RANBP17: variants seen among roughly 807,000 people sequenced by gnomAD.
The protein encoded by RANBP17 is ran-binding protein 17.
RANBP17 carries 158 observed loss-of-function variants against 141.2 expected under a neutral mutation model. That is an observed-to-expected ratio of 1.12 (90% confidence interval 0.98 to 1.28). The LOEUF (loss-of-function observed/expected upper bound fraction) is 1.28. RANBP17 is among the 50% of genes most tolerant of loss of function. The probability of loss-of-function intolerance (pLI) is 0.00; values close to 1 mark genes in which losing one functional copy is unlikely to be tolerated. For missense variants in RANBP17, 1,438 were observed against 1,290.7 expected, an observed-to-expected ratio of 1.11 and a Z score of -1.75; for synonymous variants, 430 against 450.0, an observed-to-expected ratio of 0.96 and a Z score of 0.56.
chr5:170,908,508 A>G (rs138964791), intron 5 of RANBP17, among the ~76,000 whole-genome samples: 104 of 151,562 alleles, frequency 6.9e-4, no homozygotes, highest in African/African-American at 2.4e-3. Flanking sequence ...ACTGGGGACT[A>G]CTAGATAGGG....
In RANBP17 at chr5:171,105,148, C is replaced by T. The variant is rs367906275; in HGVS notation, c.1711-64982C>T. On this transcript the variant is annotated intron_variant, in intron 14 of 27. Coordinates refer to ENST00000523189, the MANE Select transcript of RANBP17 (RefSeq NM_022897.5). Reference sequence around the variant, plus strand: ...CTGTAATCCCAGCACTTTGGGAGGCCAAGGCGGGCAGATCACGAGGTCAGG... The same window carrying T: ...CTGTAATCCCAGCACTTTGGGAGGCTAAGGCGGGCAGATCACGAGGTCAGG... 3.0e-3 allele frequency among the ~76,000 whole-genome samples: 446 copies of T among 150,592 alleles called. 3 individuals carry two copies. The highest frequency in any genetic ancestry group is 0.014 in the South Asian group (66 of 4,712).
At chr5:171,077,151 A>AAC in intron 14 of RANBP17, among the ~76,000 whole-genome samples, 1 of 152,238 alleles carries the variant, frequency 6.6e-6, no homozygotes, top group Middle Eastern at 3.4e-3. Flanking sequence ...CATCCTGGCA[A>AAC]ACACGGTGAA....
At chr5:170,964,140 A>G (rs1172357751) in intron 13 of RANBP17, among the ~76,000 whole-genome samples, 1 of 152,168 alleles carries the variant, frequency 6.6e-6, no homozygotes, top group Non-Finnish European at 1.5e-5. Context: ...AAGAGTATAA[A>G]TTATTTCAAT....
chr5:170,984,638 C>CA (rs1011869239), intron 14 of RANBP17, among the ~76,000 whole-genome samples: 2 of 149,382 alleles, frequency 1.3e-5, no homozygotes, highest in Admixed American at 6.6e-5. Context: ...AAAACAAAAA[C>CA]AAAAAAAAAG....
In RANBP17 at chr5:170,896,124, GC is replaced by G. The variant is rs1367244693; in HGVS notation, c.489+11del. The G allele has an allele frequency of 6.9e-6, 11 of 1,591,298 alleles. No homozygotes were observed. The highest frequency in any genetic ancestry group is 7.7e-6 in the Non-Finnish European group (9 of 1,164,408). On this transcript the variant is annotated intron_variant, in intron 5 of 27. Coordinates refer to ENST00000523189, the MANE Select transcript of RANBP17 (RefSeq NM_022897.5). The stretch of plus-strand genomic sequence containing the variant: ...CTCAGGAAATGAACCTGGTAAGCGA[GC>G]CTTTCCATCTAACAGGAGCCTGAGT...
chr5:171,071,279 G>A (rs1784620219), intron 14 of RANBP17, among the ~76,000 whole-genome samples: 1 of 151,962 alleles, frequency 6.6e-6, no homozygotes, highest in Non-Finnish European at 1.5e-5. Flanking sequence ...ATGTCAGTTT[G>A]CCCCAGTGTG....
Position 170,979,639 on chromosome 5 carries a change from T to C in RANBP17, c.1710+11262T>C, listed in dbSNP as rs1581300300. Among the ~76,000 whole-genome samples the C allele has an allele frequency of 2.0e-5, 3 of 152,340 alleles. No individual in the cohort carries two copies. The South Asian group carries it at 6.2e-4, about 32-fold the overall frequency. On this transcript the variant is annotated intron_variant, in intron 14 of 27. Coordinates refer to ENST00000523189, the MANE Select transcript of RANBP17 (RefSeq NM_022897.5). Reference sequence around the variant, plus strand: ...TAAAGGGGAGTTGTCCTGCATAAGCTATCTTAATTTGCCTGCTGCCATCCA... The same window carrying C: ...TAAAGGGGAGTTGTCCTGCATAAGCCATCTTAATTTGCCTGCTGCCATCCA...
In RANBP17 at chr5:171,064,040, A is replaced by G. The variant is rs541994441; in HGVS notation, c.1710+95663A>G. On this transcript the variant is annotated intron_variant, in intron 14 of 27. Transcript: ENST00000523189. ...AAAGCGCAGTATTAGTGTGGGAGTG[A>G]CCCGATTTTCCAGGTGCTGTTTGTC... is the stretch of plus-strand genomic sequence containing the variant. Among the ~76,000 whole-genome samples, 4 of 152,318 alleles carry G rather than the reference A, an allele frequency of 2.6e-5. No homozygotes were observed. In the East Asian group the frequency reaches 7.7e-4, roughly 29 times the overall value.
intron 6 of RANBP17, chr5:170,910,504 G>A (rs1204101469): frequency 6.4e-6 from 1 of 156,426 alleles, no homozygotes; most frequent in African/African-American, 2.4e-5. Context: ...AGTATAACCA[G>A]TTAACCTGTC....
chr5:171,054,290 G>T (rs1783196232), intron 14 of RANBP17, among the ~76,000 whole-genome samples: 1 of 152,088 alleles, frequency 6.6e-6, no homozygotes, highest in Non-Finnish European at 1.5e-5. Context: ...CATTGGCAGA[G>T]CCAGTGTCTT....
At chr5:171,077,527 C>T (rs1561626988) in intron 14 of RANBP17, among the ~76,000 whole-genome samples, 1 of 152,042 alleles carries the variant, frequency 6.6e-6, no homozygotes, top group Non-Finnish European at 1.5e-5. Flanking sequence ...AAAGAGAAGA[C>T]ACCATAAGCT....
chr5:171,061,755 CAGT>C (rs1431465261), intron 14 of RANBP17, among the ~76,000 whole-genome samples: 2 of 152,272 alleles, frequency 1.3e-5, no homozygotes, highest in Non-Finnish European at 1.5e-5. Context: ...CTAATGTTGA[CAGT>C]GGGGTGTTAA....
intron 16 of RANBP17, among the ~76,000 whole-genome samples, chr5:171,179,236 A>G (rs1175582702): frequency 6.6e-6 from 1 of 152,202 alleles, no homozygotes; most frequent in Non-Finnish European, 1.5e-5. Flanking sequence ...GCCAGGTATC[A>G]TATGAGGATA....
intron 5 of RANBP17, chr5:170,903,923 G>A: frequency 1.9e-6 from 1 of 522,536 alleles, no homozygotes; most frequent in South Asian, 1.5e-5. Context: ...CTTTTCCTCA[G>A]CTTCATTATC....
At chr5:170,914,402 TTTTG>T (rs1404914503) in intron 8 of RANBP17, among the ~76,000 whole-genome samples, 162 bp downstream of exon 8, 1 of 152,196 alleles carries the variant, frequency 6.6e-6, no homozygotes, top group Non-Finnish European at 1.5e-5. Context: ...ATTTGTCAAA[TTTTG>T]TTTGTTTTGT....
intron 13 of RANBP17, among the ~76,000 whole-genome samples, chr5:170,957,746 A>G (rs910095080): frequency 2.0e-5 from 3 of 152,222 alleles, no homozygotes; most frequent in East Asian, 1.9e-4. Context: ...GTCATGTGCC[A>G]TACATGGGTT....
chr5:171,234,504 T>C (rs1277729690), intron 22 of RANBP17, among the ~76,000 whole-genome samples: 1 of 152,206 alleles, frequency 6.6e-6, no homozygotes, highest in Non-Finnish European at 1.5e-5. Flanking sequence ...GGATTAAAGT[T>C]ATAAGCAGGG....
intron 14 of RANBP17, among the ~76,000 whole-genome samples, chr5:170,998,345 C>A (rs1308895745): frequency 6.6e-6 from 1 of 152,122 alleles, no homozygotes; most frequent in East Asian, 1.9e-4. Context: ...GTCACTTTGG[C>A]ATGGAGCTAT....
intron 12 of RANBP17, among the ~76,000 whole-genome samples, chr5:170,933,658 G>C (rs550165758): frequency 0.03 from 4,592 of 152,122 alleles, 232 homozygotes; most frequent in African/African-American, 0.1. Context: ...TTTCTGCCTT[G>C]ATTTCGTTAT....
Sources: allele counts gnomAD v4.1 joint callset (sites outside exome capture counted in the v4.1 genomes callset), GRCh38; gene constraint gnomAD v4.1.1; transcripts MANE v1.5; gene names NCBI Gene and HGNC (gene_info 2026-07-23, HGNC 2026-07-21).